Variants in ZDHHC15 observed in about 807,000 individuals in gnomAD.
The protein encoded by ZDHHC15 is palmitoyltransferase ZDHHC15.
ZDHHC15 carries 19 observed loss-of-function variants against 31.7 expected under a neutral mutation model. The observed-to-expected ratio is 0.60, with a 90% CI of 0.42 to 0.88. The LOEUF is 0.88. Ranked by LOEUF, ZDHHC15 falls within the 40% of genes least tolerant of loss-of-function variation. The probability of loss-of-function intolerance (pLI) is 0.00; values close to 1 mark genes in which losing one functional copy is unlikely to be tolerated. For missense variants in ZDHHC15, 209 were observed against 251.2 expected, an observed-to-expected ratio of 0.83 and a Z score of 1.14; for synonymous variants, 103 against 90.0, an observed-to-expected ratio of 1.14 and a Z score of -0.82.
chrX:75,445,108 T>C (rs1168215278), intron 4 of ZDHHC15, among the ~76,000 whole-genome samples: 1 of 111,312 alleles, frequency 9.0e-6, no homozygotes, highest in Non-Finnish European at 1.9e-5. Flanking sequence ...TCCATAATTA[T>C]GTGAGCTAAT....
chrX:75,421,196 T>C (rs1191384922), intron 9 of ZDHHC15, among the ~76,000 whole-genome samples: 2 of 101,791 alleles, frequency 2.0e-5, no homozygotes, highest in South Asian at 9.1e-4. Flanking sequence ...ACTTAAAATA[T>C]AGTACCATTT....
chrX:75,436,199 T>C (rs759635255), intron 4 of ZDHHC15, among the ~76,000 whole-genome samples: 1 of 112,035 alleles, frequency 8.9e-6, no homozygotes, highest in Non-Finnish European at 1.9e-5. Flanking sequence ...TCCCTTTTTG[T>C]TTCAAATTGA....
At chrX:75,405,574 G>T (rs1007842449) in intron 10 of ZDHHC15, among the ~76,000 whole-genome samples, 1 of 110,758 alleles carries the variant, frequency 9.0e-6, no homozygotes, top group Non-Finnish European at 1.9e-5. Context: ...GACACAGAAG[G>T]TCACTATATA....
chrX:75,456,723 C>T (rs750297726), intron 3 of ZDHHC15, among the ~76,000 whole-genome samples: 1 of 110,746 alleles, frequency 9.0e-6, no homozygotes. Flanking sequence ...TTTTTAGAGA[C>T]AACTACTGGC....
At chrX:75,391,207 C>T (rs1397773039) in intron 10 of ZDHHC15, among the ~76,000 whole-genome samples, 1 of 111,484 alleles carries the variant, frequency 9.0e-6, no homozygotes, top group Non-Finnish European at 1.9e-5. Context: ...AAGAAAAAAG[C>T]ACACTCACAA....
intron 9 of ZDHHC15, among the ~76,000 whole-genome samples, chrX:75,418,919 A>G (rs771802725): frequency 8.9e-6 from 1 of 112,534 alleles, no homozygotes; most frequent in Admixed American, 9.4e-5. Flanking sequence ...TGAACAAAAC[A>G]TCAAAAGCAA....
intron 2 of ZDHHC15, among the ~76,000 whole-genome samples, chrX:75,500,704 TTTATC>T (rs1327666510): frequency 9.1e-6 from 1 of 109,478 alleles, no homozygotes; most frequent in African/African-American, 3.3e-5. Flanking sequence ...AAGGGAGGCT[TTTATC>T]TGATCTCTAA....
chrX:75,498,931 A>C (rs753361616), intron 2 of ZDHHC15, among the ~76,000 whole-genome samples: 1 of 112,083 alleles, frequency 8.9e-6, no homozygotes, highest in South Asian at 3.7e-4. Flanking sequence ...TTGTATAAAA[A>C]CAGGCACACA....
At chrX:75,420,547 A>C (rs1390447907) in intron 9 of ZDHHC15, among the ~76,000 whole-genome samples, 1 of 111,719 alleles carries the variant, frequency 9.0e-6, no homozygotes, top group Non-Finnish European at 1.9e-5. Context: ...AAAGACTTGG[A>C]ACCAACCCAA....
intron 4 of ZDHHC15, among the ~76,000 whole-genome samples, chrX:75,433,697 GTATATA>G (rs779122973): frequency 1.8e-3 from 12 of 6,629 alleles, no homozygotes; most frequent in Non-Finnish European, 3.1e-3. Context: ...GTGTGTGTGT[GTATATA>G]TATATATATA....
intron 2 of ZDHHC15, among the ~76,000 whole-genome samples, chrX:75,489,340 C>T (rs144386310): frequency 0.015 from 1,710 of 111,748 alleles, 17 homozygotes; most frequent in South Asian, 0.029. Flanking sequence ...GAGGCACCCC[C>T]GAGTAGGGGC....
intron 1 of ZDHHC15, among the ~76,000 whole-genome samples, chrX:75,510,318 G>T (rs1298789621): frequency 1.8e-5 from 2 of 110,720 alleles, no homozygotes; most frequent in African/African-American, 6.5e-5. Context: ...TTAGGCATTT[G>T]TTACAACAAG....
At chrX:75,387,057 G>T (rs2083187531) in intron 10 of ZDHHC15, among the ~76,000 whole-genome samples, 1 of 111,303 alleles carries the variant, frequency 9.0e-6, no homozygotes, top group Non-Finnish European at 1.9e-5. Context: ...GATGGGCAGT[G>T]CTCCCATTGT....
At chrX:75,458,400 T>C (rs1054227957) in intron 3 of ZDHHC15, among the ~76,000 whole-genome samples, 4 of 111,764 alleles carry the variant, frequency 3.6e-5, no homozygotes, top group Non-Finnish European at 7.5e-5. Context: ...AGGTATAATA[T>C]ATGGGGAAAC....
intron 10 of ZDHHC15, among the ~76,000 whole-genome samples, chrX:75,397,507 A>G (rs1354619158): frequency 9.5e-6 from 1 of 104,782 alleles, no homozygotes; most frequent in Non-Finnish European, 2.0e-5. Flanking sequence ...CCCCATAAAT[A>G]TATACACCTA....
chrX:75,421,607 AT>A (rs2083642205), intron 9 of ZDHHC15, among the ~76,000 whole-genome samples: 1 of 99,276 alleles, frequency 1.0e-5, no homozygotes, highest in Admixed American at 1.2e-4. Context: ...AGATTCTTAA[AT>A]TTTTTGATAG....
chrX:75,491,614 T>G (rs2084894548), intron 2 of ZDHHC15, among the ~76,000 whole-genome samples: 1 of 109,604 alleles, frequency 9.1e-6, no homozygotes, highest in Non-Finnish European at 1.9e-5. Context: ...ACCTTAAAAC[T>G]TAAAGTATAA....
chrX:75,457,501 A>G (rs1482746393), intron 3 of ZDHHC15, among the ~76,000 whole-genome samples: 1 of 111,204 alleles, frequency 9.0e-6, no homozygotes, highest in African/African-American at 3.3e-5. Context: ...TTATATAATC[A>G]GTTTGGAAAA....
chrX:75,437,123 C>T (rs777276350), intron 4 of ZDHHC15, among the ~76,000 whole-genome samples: 175 of 110,809 alleles, frequency 1.6e-3, no homozygotes, highest in Admixed American at 2.7e-3. Flanking sequence ...CCTCGTGATC[C>T]GCCCGCCCCG....
Sources: gnomAD v4.1 joint callset for allele counts (sites outside exome capture counted in the v4.1 genomes callset) on GRCh38, gnomAD v4.1.1 for gene constraint, MANE v1.5 for transcripts, NCBI Gene and HGNC (gene_info 2026-07-23, HGNC 2026-07-21) for gene names.